FGF13: variants seen among roughly 807,000 people sequenced by gnomAD.
The protein encoded by FGF13 is fibroblast growth factor homologous factor 2.
FGF13 carries 2 observed loss-of-function variants against 19.5 expected under a neutral mutation model. The observed-to-expected ratio is 0.10, with a 90% CI of 0.04 to 0.32. The LOEUF (loss-of-function observed/expected upper bound fraction) is 0.32, where lower values mean the gene tolerates loss of function less well. Ranked by LOEUF, FGF13 falls within the 10% of genes least tolerant of loss-of-function variation. The pLI, the probability that FGF13 is intolerant of heterozygous loss-of-function variation, is 1.00. For synonymous variants in FGF13, 72 were observed against 76.9 expected (o/e 0.94, Z 0.33); for missense variants, 113 against 192.7 (o/e 0.59, Z 2.45).
At chrX:138,904,816 T>G (rs1035246046) in intron 1 of FGF13, among the ~76,000 whole-genome samples, 5 of 111,488 alleles carry the variant, frequency 4.5e-5, no homozygotes, top group African/African-American at 1.6e-4. Context: ...TGGGCCTTTT[T>G]TCTTCCTTGA....
chrX:139,005,191 C>T (rs1194562725), intron 1 of FGF13, among the ~76,000 whole-genome samples: 38 of 24,556 alleles, frequency 1.5e-3, no homozygotes, highest in African/African-American at 4.8e-3. Flanking sequence ...GCTTGTGTCA[C>T]TGCCCCCCCC....
chrX:138,707,339 C>T (rs1471433586), intron 2 of FGF13, among the ~76,000 whole-genome samples: 1 of 110,657 alleles, frequency 9.0e-6, no homozygotes, highest in Non-Finnish European at 1.9e-5. Context: ...GATTTGTACC[C>T]GGAGATGTTA....
intron 1 of FGF13, among the ~76,000 whole-genome samples, chrX:139,090,322 G>T (rs960252484): frequency 1.8e-5 from 2 of 111,632 alleles, no homozygotes; most frequent in African/African-American, 6.5e-5. Context: ...ACTCAGGTCT[G>T]TCTTACTGGA....
chrX:138,715,498 C>T (rs1483883249), upstream of FGF13, among the ~76,000 whole-genome samples: 1 of 112,456 alleles, frequency 8.9e-6, no homozygotes, highest in Admixed American at 9.4e-5. Context: ...CTCTTTTCAT[C>T]TGTTTTATAT....
chrX:138,902,194 T>G (rs2091534620), intron 1 of FGF13, among the ~76,000 whole-genome samples: 1 of 112,429 alleles, frequency 8.9e-6, no homozygotes, highest in Non-Finnish European at 1.9e-5. Flanking sequence ...TTCCGGTCTT[T>G]TAGCCTGTTG....
chrX:138,986,703 T>A (rs993995038), intron 1 of FGF13, among the ~76,000 whole-genome samples: 4 of 112,055 alleles, frequency 3.6e-5, no homozygotes, highest in African/African-American at 1.3e-4. Context: ...AAACATTTTT[T>A]AAAGAGTAGG....
chrX:138,946,215 T>C (rs1016057992), intron 1 of FGF13, among the ~76,000 whole-genome samples: 1 of 111,708 alleles, frequency 9.0e-6, no homozygotes, highest in African/African-American at 3.2e-5. Flanking sequence ...TAGCACATGA[T>C]TGATTTCCAA....
At position 138,635,506 on chromosome X, in the gene FGF13, A is replaced by G. The variant is rs779667739; in HGVS notation, c.552T>C (p.His184=). The part of the protein sequence containing the change: ...NKEGEIMKGN[H]VKKNKPAAHF... ...GAGCTGCAGGCTTGTTCTTCTTCAC[A>G]TGGTTGCCTTTCATGATCTCTCCTT... The change falls in exon 4 of 5, where the codon CAT becomes CAC. Residue 184 remains histidine, a synonymous_variant. Transcript: ENST00000315930. 2.5e-6 allele frequency: 3 copies of G among 1,211,770 alleles called. No individual in the cohort carries two copies. The highest frequency in any genetic ancestry group is 3.5e-5 in the South Asian group (2 of 57,011).
intron 1 of FGF13, among the ~76,000 whole-genome samples, chrX:139,154,911 T>G (rs939183775): frequency 8.9e-6 from 1 of 111,978 alleles, no homozygotes; most frequent in Non-Finnish European, 1.9e-5. Flanking sequence ...AAAAAATATT[T>G]AATATAAGGT....
intron 1 of FGF13, among the ~76,000 whole-genome samples, chrX:139,119,476 C>G (rs1222102007): frequency 1.8e-5 from 2 of 111,859 alleles, no homozygotes; most frequent in African/African-American, 6.5e-5. Flanking sequence ...GAAAGAGGCA[C>G]AGCGAAGTGA....
rs190047966 is a variant in FGF13, at chrX:138,998,912, C to T, written c.-112-134262G>A. On this transcript the variant is annotated intron_variant, in intron 1 of 2. Coordinates refer to the FGF13 transcript ENST00000421460. ...TCTCAGCACCACATTGCACTTATTC[C>T]AAAATTGATCACATAGTTGGAAGTA... Among the ~76,000 whole-genome samples, 9 of 111,965 alleles carry T rather than the reference C, an allele frequency of 8.0e-5. No homozygotes were observed. The East Asian group carries it at 2.5e-3, about 31-fold the overall frequency.
chrX:138,998,556 T>G (rs879172525), intron 1 of FGF13, among the ~76,000 whole-genome samples: 1 of 109,592 alleles, frequency 9.1e-6, no homozygotes, highest in Admixed American at 9.7e-5. Context: ...TAAAACAGAC[T>G]TTAAGCCAAC....
intron 1 of FGF13, among the ~76,000 whole-genome samples, chrX:139,031,672 C>G (rs1239964300): frequency 2.8e-5 from 3 of 106,948 alleles, no homozygotes; most frequent in Non-Finnish European, 3.9e-5. Flanking sequence ...TGAAGTAGCC[C>G]ATTCCAATTC....
chrX:138,665,023 C>A (rs2089526599), intron 3 of FGF13, among the ~76,000 whole-genome samples: 1 of 110,946 alleles, frequency 9.0e-6, no homozygotes, highest in Non-Finnish European at 1.9e-5. Context: ...CAACCAAGAT[C>A]TTTGTTTGTA....
At chrX:139,075,600 G>A (rs925600960) in intron 1 of FGF13, among the ~76,000 whole-genome samples, 1 of 111,492 alleles carries the variant, frequency 9.0e-6, no homozygotes, top group Non-Finnish European at 1.9e-5. Flanking sequence ...CTCAGAGTGG[G>A]CTTAGGCACA....
At chrX:138,654,323 G>A (rs2089410408) in intron 3 of FGF13, among the ~76,000 whole-genome samples, 1 of 112,336 alleles carries the variant, frequency 8.9e-6, no homozygotes, top group Admixed American at 9.4e-5. Flanking sequence ...CTTCGTGCCT[G>A]AATAAAATAG....
chrX:138,841,525 T>A (rs892004735), intron 3 of FGF13, among the ~76,000 whole-genome samples: 4 of 110,451 alleles, frequency 3.6e-5, no homozygotes, highest in Admixed American at 9.7e-5. Context: ...AAATTTTTTT[T>A]ATTTATATAT....
chrX:139,061,018 T>C (rs2092334515), intron 1 of FGF13, among the ~76,000 whole-genome samples: 1 of 111,616 alleles, frequency 9.0e-6, no homozygotes, highest in South Asian at 3.7e-4. Context: ...TATAGTTTCA[T>C]ATTCTTTAGT....
chrX:138,949,260 T>C (rs1366631019), intron 1 of FGF13, among the ~76,000 whole-genome samples: 1 of 112,134 alleles, frequency 8.9e-6, no homozygotes, highest in Non-Finnish European at 1.9e-5. Context: ...AAATTTGTTC[T>C]CTTACAGTAC....
Sources: gnomAD v4.1 joint callset for allele counts (sites outside exome capture counted in the v4.1 genomes callset) on GRCh38, gnomAD v4.1.1 for gene constraint, MANE v1.5 for transcripts, NCBI Gene and HGNC (gene_info 2026-07-23, HGNC 2026-07-21) for gene names.